The following SYNDIG1 variants were observed in gnomAD, a reference collection of about 807,000 sequenced individuals.
SYNDIG1 encodes the protein synapse differentiation inducing 1, also known as synapse differentiation-inducing gene protein 1.
A neutral mutation model predicts 19.4 loss-of-function variants in SYNDIG1; 9 were observed. The ratio of observed to expected loss-of-function variants is 0.46; its 90% CI spans 0.28 to 0.81. The LOEUF is 0.81. SYNDIG1 is among the 30% of genes least tolerant of loss of function. The pLI, the probability that SYNDIG1 is intolerant of heterozygous loss-of-function variation, is 0.12. For synonymous variants in SYNDIG1, 141 were observed against 145.9 expected (o/e 0.97, Z 0.24); for missense variants, 311 against 343.3 (o/e 0.91, Z 0.74).
In SYNDIG1 at chr20:24,609,122, G is replaced by A. The variant is rs75062266; in HGVS notation, c.618+24129G>A. 7.4e-4 allele frequency among the ~76,000 whole-genome samples: 112 copies of A among 152,336 alleles called. 1 individual carries two copies. The East Asian group carries it at 0.019, about 26-fold the overall frequency. On this transcript the variant is annotated intron_variant, in intron 3 of 3. Coordinates refer to ENST00000376862, the MANE Select transcript of SYNDIG1 (RefSeq NM_024893.3). The stretch of plus-strand genomic sequence containing the variant: ...ATCTGCACTTCTGCTGTAGAAAAAT[G>A]TCATAGCAAGAGGACAGGAGCCATG...
chr20:24,545,520 T>C (rs1568629028), intron 2 of SYNDIG1, among the ~76,000 whole-genome samples: 2 of 152,128 alleles, frequency 1.3e-5, no homozygotes, highest in Non-Finnish European at 2.9e-5. Context: ...GAATACCCCA[T>C]CAGCTCTGAA....
intron 3 of SYNDIG1, among the ~76,000 whole-genome samples, chr20:24,616,623 G>A (rs566703633): frequency 2.0e-5 from 3 of 152,338 alleles, no homozygotes; most frequent in Admixed American, 6.5e-5. Flanking sequence ...AGGAGAAGGC[G>A]CAAGGAGGCC....
chr20:24,585,056 G>GCCCCCCCCC, intron 3 of SYNDIG1, 63 bp downstream of exon 3: 1 of 545,660 alleles, frequency 1.8e-6, no homozygotes, highest in East Asian at 5.0e-5. Flanking sequence ...GGTGGGGGCG[G>GCCCCCCCCC]CAATCCCAGC....
intron 3 of SYNDIG1, among the ~76,000 whole-genome samples, chr20:24,636,904 T>C (rs1305956552): frequency 3.0e-4 from 46 of 152,268 alleles, no homozygotes; most frequent in Non-Finnish European, 1.5e-5. Flanking sequence ...AAATCTATAT[T>C]GATCATGTCA....
intron 3 of SYNDIG1, among the ~76,000 whole-genome samples, chr20:24,656,655 G>A (rs989589183): frequency 7.2e-5 from 11 of 152,236 alleles, no homozygotes; most frequent in Admixed American, 6.5e-4. Context: ...GATCACAAGT[G>A]CGCCTCGCCC....
intron 1 of SYNDIG1, among the ~76,000 whole-genome samples, chr20:24,478,938 C>T (rs948790624): frequency 6.6e-6 from 1 of 152,220 alleles, no homozygotes; most frequent in Non-Finnish European, 1.5e-5. Context: ...TGTCAGACCT[C>T]GTGGGCACTG....
chr20:24,536,643 G>A (rs1271890659), intron 1 of SYNDIG1, among the ~76,000 whole-genome samples: 2 of 152,110 alleles, frequency 1.3e-5, no homozygotes, highest in Admixed American at 6.5e-5. Context: ...ACACAGCCTG[G>A]AGAAGTGTCT....
At chr20:24,642,532 A>T (rs558241078) in intron 3 of SYNDIG1, among the ~76,000 whole-genome samples, 1 of 152,240 alleles carries the variant, frequency 6.6e-6, no homozygotes, top group Non-Finnish European at 1.5e-5. Context: ...TGTGTGGGAG[A>T]TTTGTCTACC....
chr20:24,665,746 C>A lies in SYNDIG1; in HGVS notation c.*242C>A, dbSNP rs2059642102. The A allele has an allele frequency of 3.8e-6, 2 of 520,264 alleles. No homozygotes were observed. The highest frequency in any genetic ancestry group is 7.7e-5 in the East Asian group (2 of 25,948). 32.2% of individuals were successfully genotyped at this position (520,264 alleles called of 1,614,324 possible). On this transcript the variant is annotated 3_prime_UTR_variant, in exon 4 of 4. Coordinates refer to ENST00000376862, the MANE Select transcript of SYNDIG1 (RefSeq NM_024893.3). ...CAAAGGAAAGCTCCAAAGATCCCAG[C>A]CCGCAAGGCTGTCTCTGGATGGATT...
In SYNDIG1 at chr20:24,562,450, A is replaced by T. The variant is rs576213615; in HGVS notation, c.480+18873A>T. 3.3e-5 allele frequency among the ~76,000 whole-genome samples: 5 copies of T among 152,360 alleles called. No homozygotes were observed. The East Asian group carries it at 9.6e-4, about 29-fold the overall frequency. On this transcript the variant is annotated intron_variant, in intron 2 of 3. Transcript: ENST00000376862. The stretch of plus-strand genomic sequence containing the variant: ...TTCTATATCAAAAATATAATAACTC[A>T]TTTAAATGTGTCACTCAAGGCATGT...
intron 2 of SYNDIG1, among the ~76,000 whole-genome samples, chr20:24,571,348 T>C (rs921493551): frequency 3.3e-5 from 5 of 152,222 alleles, no homozygotes; most frequent in African/African-American, 1.2e-4. Context: ...TTTTGATCAT[T>C]GCATTATGGT....
intron 3 of SYNDIG1, among the ~76,000 whole-genome samples, chr20:24,593,790 T>A (rs1222113481): frequency 2.0e-5 from 3 of 152,236 alleles, no homozygotes. Context: ...TGATTAGTGA[T>A]GTTGAGCATT....
At chr20:24,488,894 T>A (rs1315375881) in intron 1 of SYNDIG1, among the ~76,000 whole-genome samples, 1 of 152,194 alleles carries the variant, frequency 6.6e-6, no homozygotes, top group Non-Finnish European at 1.5e-5. Flanking sequence ...CACGCCTCGC[T>A]CCACAGCTCT....
At chr20:24,512,108 A>AATATATATATATATATAT (rs56002733) in intron 1 of SYNDIG1, among the ~76,000 whole-genome samples, 1 of 76,548 alleles carries the variant, frequency 1.3e-5, no homozygotes, top group Non-Finnish European at 2.3e-5. Context: ...TGGTCTTTAA[A>AATATATATATATATATAT]ATATATATAT....
intron 3 of SYNDIG1, among the ~76,000 whole-genome samples, chr20:24,649,479 A>G (rs1600825894): frequency 6.6e-6 from 1 of 152,140 alleles, no homozygotes; most frequent in Non-Finnish European, 1.5e-5. Context: ...GTGTATCTAT[A>G]AACTCAGGGC....
At chr20:24,560,729 G>C (rs1480486144) in intron 2 of SYNDIG1, among the ~76,000 whole-genome samples, 2 of 140,054 alleles carry the variant, frequency 1.4e-5, no homozygotes, top group Admixed American at 7.4e-5. Context: ...CTAGGTATGG[G>C]TCATGCTTTC....
At chr20:24,505,030 A>G (rs1378342690) in intron 1 of SYNDIG1, among the ~76,000 whole-genome samples, 3 of 152,106 alleles carry the variant, frequency 2.0e-5, no homozygotes, top group African/African-American at 7.2e-5. Flanking sequence ...GGAGGTGGTG[A>G]ACAGATCCCA....
chr20:24,547,485 G>T (rs1033427344), intron 2 of SYNDIG1, among the ~76,000 whole-genome samples: 1 of 152,172 alleles, frequency 6.6e-6, no homozygotes, highest in African/African-American at 2.4e-5. Context: ...AGCATGGCTT[G>T]ACATTAGACA....
At position 24,666,037 on chromosome 20, in the gene SYNDIG1, CTGCTCTGCAGACCCAT is replaced by C. The variant is rs1207436944; in HGVS notation, c.*536_*551del. The C allele has an allele frequency of 6.3e-6, 1 of 158,874 alleles. No individual in the cohort carries two copies. The highest frequency in any genetic ancestry group is 2.4e-5 in the African/African-American group (1 of 41,468). The allele number at this position is 158,874 out of a possible 1,614,324, so 9.8% of individuals were successfully genotyped here. A position where few individuals can be genotyped will look rare whatever the true frequency, so the allele number is the denominator to read the frequency against. ...CACGGCTGGCAGGAGCCCCGCTGCA[CTGCTCTGCAGACCCAT>C]TGGCCTGACCCTGAGAAGCAGAGCC... On this transcript the variant is annotated 3_prime_UTR_variant, in exon 4 of 4. Coordinates refer to ENST00000376862, the MANE Select transcript of SYNDIG1 (RefSeq NM_024893.3).
Sources: gnomAD v4.1 joint callset for allele counts (sites outside exome capture counted in the v4.1 genomes callset) on GRCh38, gnomAD v4.1.1 for gene constraint, MANE v1.5 for transcripts, NCBI Gene and HGNC (gene_info 2026-07-23, HGNC 2026-07-21) for gene names.